The following FHIT variants were observed in gnomAD, a reference collection of about 807,000 sequenced individuals.
FHIT encodes fragile histidine triad diadenosine triphosphatase.
Under a neutral mutation model 17.9 loss-of-function variants are expected in FHIT, and 19 were observed. That is an observed-to-expected ratio of 1.06 (90% CI 0.74 to 1.56). The LOEUF (loss-of-function observed/expected upper bound fraction) is 1.56, where lower values mean the gene tolerates loss of function less well. FHIT is among the 40% of genes most tolerant of loss of function. FHIT has a pLI of 0.00. For synonymous variants in FHIT, 81 were observed against 69.7 expected (o/e 1.16, Z -0.81); for missense variants, 248 against 189.2 (o/e 1.31, Z -1.82).
chr3:59,927,984 CT>C (rs1387303022), intron 7 of FHIT, among the ~76,000 whole-genome samples: 7 of 152,132 alleles, frequency 4.6e-5, no homozygotes, highest in Non-Finnish European at 1.5e-5. Context: ...ATCCTTTTTC[CT>C]TGTCAGAATA....
chr3:60,631,524 T>TC (rs1391570155), intron 4 of FHIT, among the ~76,000 whole-genome samples: 34 of 152,132 alleles, frequency 2.2e-4, no homozygotes, highest in African/African-American at 7.7e-4. Flanking sequence ...ATCAACCTAA[T>TC]CCAGGGGCCC....
At chr3:60,652,787 G>A (rs2040024116) in intron 4 of FHIT, among the ~76,000 whole-genome samples, 1 of 149,916 alleles carries the variant, frequency 6.7e-6, no homozygotes, top group Non-Finnish European at 1.5e-5. Context: ...GCAGGTGCCT[G>A]TAATCCTAGC....
At chr3:60,605,734 G>C (rs909284028) in intron 4 of FHIT, among the ~76,000 whole-genome samples, 15 of 152,146 alleles carry the variant, frequency 9.9e-5, no homozygotes, top group African/African-American at 3.1e-4. Flanking sequence ...GTACGGACAG[G>C]AGGTGCTGTG....
intron 5 of FHIT, among the ~76,000 whole-genome samples, chr3:60,353,760 T>A (rs1699522711): frequency 6.6e-6 from 1 of 152,052 alleles, no homozygotes; most frequent in African/African-American, 2.4e-5. Context: ...AACAAATCTG[T>A]AAAAAAGTCA....
chr3:61,239,762 CAT>C (rs72107416), intron 1 of FHIT, among the ~76,000 whole-genome samples: 47,381 of 108,618 alleles, frequency 0.44, 11,365 homozygotes, highest in Non-Finnish European at 0.53. Context: ...AACAACTGGC[CAT>C]ATATATATAT....
At chr3:60,222,870 C>T (rs1023632543) in intron 5 of FHIT, among the ~76,000 whole-genome samples, 1 of 152,096 alleles carries the variant, frequency 6.6e-6, no homozygotes, top group Non-Finnish European at 1.5e-5. Flanking sequence ...CACTGCACTC[C>T]AGCCTGGGTG....
chr3:60,014,063 C>G lies in FHIT; in HGVS notation c.193G>C (p.Val65Leu). 1 of 1,614,074 alleles carries G rather than the reference C, an allele frequency of 6.2e-7. No homozygotes were observed. Among genetic ancestry groups the G allele is most frequent in the Non-Finnish European group, 8.5e-7 (1 of 1,179,970 alleles). The change falls in exon 6 of 10, where the codon GTC (valine) becomes CTC (leucine). Residue 65 changes from valine (V) to leucine (L), a missense_variant. Transcript: ENST00000492590. ...AAATGTTTTTCCACCACTGTCCCGA[C>G]TCTCTGGGTCGTCTGAAACAAATCG... ...VADLFQTTQRVGTVVEKHFHG... is the reference protein window; with the variant it reads ...VADLFQTTQRLGTVVEKHFHG...
At chr3:60,709,877 G>A (rs570444947) in intron 4 of FHIT, among the ~76,000 whole-genome samples, 1 of 152,148 alleles carries the variant, frequency 6.6e-6, no homozygotes, top group East Asian at 1.9e-4. Context: ...AAGAAAATAT[G>A]TTAAATACTT....
chr3:60,439,958 A>G (rs1312921095), intron 5 of FHIT, among the ~76,000 whole-genome samples: 1 of 151,298 alleles, frequency 6.6e-6, no homozygotes, highest in Non-Finnish European at 1.5e-5. Context: ...CCAATCCTTT[A>G]CTCTTTCTCA....
intron 4 of FHIT, among the ~76,000 whole-genome samples, chr3:60,782,235 G>A (rs797037661): frequency 0.064 from 4,619 of 71,932 alleles, 127 homozygotes; most frequent in African/African-American, 0.12. Flanking sequence ...GTGTGTGTGT[G>A]TGTATATATA....
chr3:61,248,594 T>C (rs973658072), intron 1 of FHIT, among the ~76,000 whole-genome samples: 53 of 152,282 alleles, frequency 3.5e-4, no homozygotes, highest in African/African-American at 1.1e-3. Context: ...TTCTCAAGTG[T>C]CTGAAAGAAC....
At chr3:60,906,335 C>A (rs1050688480) in intron 3 of FHIT, among the ~76,000 whole-genome samples, 1 of 152,130 alleles carries the variant, frequency 6.6e-6, no homozygotes, top group Non-Finnish European at 1.5e-5. Context: ...AGGGAAAGTG[C>A]GGAAGAATCC....
intron 2 of FHIT, among the ~76,000 whole-genome samples, chr3:61,075,096 A>G (rs2034930176): frequency 6.6e-6 from 1 of 152,180 alleles, no homozygotes; most frequent in Admixed American, 6.5e-5. Flanking sequence ...GCAGGTTTCA[A>G]TGTTCTACCA....
At chr3:60,131,849 G>T (rs1699610295) in intron 5 of FHIT, among the ~76,000 whole-genome samples, 2 of 151,966 alleles carry the variant, frequency 1.3e-5, no homozygotes, top group Admixed American at 6.6e-5. Context: ...CAATCACATA[G>T]GTCCCTTCCT....
chr3:60,392,308 C>T (rs191872717), intron 5 of FHIT, among the ~76,000 whole-genome samples: 127 of 152,192 alleles, frequency 8.3e-4, no homozygotes, highest in African/African-American at 1.1e-3. Flanking sequence ...ATGGTAAAGT[C>T]GCTGATGCTT....
chr3:60,640,719 A>G (rs1031635080), intron 4 of FHIT, among the ~76,000 whole-genome samples: 1 of 152,220 alleles, frequency 6.6e-6, no homozygotes, highest in Admixed American at 6.5e-5. Flanking sequence ...AATGTGAGGA[A>G]ATGAATGAAA....
chr3:60,992,114 A>G (rs1353622786), intron 3 of FHIT, among the ~76,000 whole-genome samples: 2 of 152,228 alleles, frequency 1.3e-5, no homozygotes, highest in African/African-American at 4.8e-5. Context: ...GAGGAAAGCT[A>G]GACAGGAGAG....
intron 3 of FHIT, among the ~76,000 whole-genome samples, chr3:60,924,165 C>G (rs1559833644): frequency 6.6e-6 from 1 of 152,180 alleles, no homozygotes; most frequent in Admixed American, 6.5e-5. Context: ...CAGCAAAAAC[C>G]TCTGCAGACT....
At chr3:59,994,198 C>T (rs1207278888) in intron 7 of FHIT, among the ~76,000 whole-genome samples, 2 of 152,024 alleles carry the variant, frequency 1.3e-5, no homozygotes, top group Non-Finnish European at 2.9e-5. Context: ...TAAGATAAGC[C>T]ATGTGACACA....
Sources: allele counts gnomAD v4.1 joint callset (sites outside exome capture counted in the v4.1 genomes callset), GRCh38; gene constraint gnomAD v4.1.1; transcripts MANE v1.5; gene names NCBI Gene and HGNC (gene_info 2026-07-23, HGNC 2026-07-21).